TGFA: variants seen among roughly 807,000 people sequenced by gnomAD.
TGFA encodes the protein transforming growth factor alpha.
A neutral mutation model predicts 21.7 loss-of-function variants in TGFA; 12 were observed. The ratio of observed to expected loss-of-function variants is 0.55; its 90% confidence interval spans 0.35 to 0.90. The LOEUF (loss-of-function observed/expected upper bound fraction) is 0.90, where lower values mean the gene tolerates loss of function less well. TGFA is among the 40% of genes least tolerant of loss of function. The pLI is 0.01. For missense variants in TGFA, 178 were observed against 210.8 expected (o/e 0.84, Z 0.96); for synonymous variants, 79 against 88.1 (o/e 0.90, Z 0.58).
chr2:70,450,891 A>G (rs1670033438), intron 5 of TGFA, 25 bp from the exon 6 acceptor site: 1 of 1,604,558 alleles, frequency 6.2e-7, no homozygotes, highest in East Asian at 2.2e-5. Flanking sequence ...AAACAGGTTA[A>G]GCACTGTGGG....
intron 2 of TGFA, among the ~76,000 whole-genome samples, chr2:70,502,038 C>T (rs1275881847): frequency 6.6e-6 from 1 of 152,256 alleles, no homozygotes; most frequent in Non-Finnish European, 1.5e-5. Context: ...CCTTCCTTTG[C>T]CTTCCTCTTC....
chr2:70,482,256 T>C (rs531258582), intron 2 of TGFA, among the ~76,000 whole-genome samples: 1 of 152,320 alleles, frequency 6.6e-6, no homozygotes, highest in East Asian at 1.9e-4. Flanking sequence ...TTAATTCTTA[T>C]AAAAGCCCTG....
At chr2:70,514,633 C>T (rs540426686) in intron 2 of TGFA, among the ~76,000 whole-genome samples, 5 of 152,028 alleles carry the variant, frequency 3.3e-5, no homozygotes, top group Admixed American at 6.5e-5. Flanking sequence ...AAGAGAGACA[C>T]GTAGGGGAGG....
intron 1 of TGFA, among the ~76,000 whole-genome samples, chr2:70,524,626 T>C (rs1672580139): frequency 6.6e-6 from 1 of 152,248 alleles, no homozygotes. Flanking sequence ...CTGTTCCAGC[T>C]GACTGGCACT....
At chr2:70,478,307 A>T (rs13405609) in intron 2 of TGFA, among the ~76,000 whole-genome samples, 5,322 of 152,320 alleles carry the variant, frequency 0.035, 284 homozygotes, top group African/African-American at 0.12. Context: ...AACTGTTTTG[A>T]TGGAAATGCT....
At chr2:70,510,166 G>T (rs1182942024) in intron 2 of TGFA, among the ~76,000 whole-genome samples, 1 of 152,224 alleles carries the variant, frequency 6.6e-6, no homozygotes, top group East Asian at 1.9e-4. Context: ...GGGTTCCCAT[G>T]CTGTCTTTTC....
intron 2 of TGFA, among the ~76,000 whole-genome samples, chr2:70,475,456 G>A (rs1670893140): frequency 6.6e-6 from 1 of 152,176 alleles, no homozygotes; most frequent in African/African-American, 2.4e-5. Flanking sequence ...AGAACTCATG[G>A]TTGGTTTCCT....
At chr2:70,521,038 CTA>C (rs1318107699) in intron 1 of TGFA, among the ~76,000 whole-genome samples, 1 of 152,040 alleles carries the variant, frequency 6.6e-6, no homozygotes, top group African/African-American at 2.4e-5. Flanking sequence ...AATTCAGGCC[CTA>C]TCATCTCTCC....
At chr2:70,497,278 T>A (rs1671604375) in intron 2 of TGFA, among the ~76,000 whole-genome samples, 1 of 152,204 alleles carries the variant, frequency 6.6e-6, no homozygotes, top group Non-Finnish European at 1.5e-5. Context: ...TTGTAGCTGT[T>A]GATATGAGAG....
chr2:70,511,221 G>A (rs1430964659), intron 2 of TGFA, among the ~76,000 whole-genome samples: 1 of 152,166 alleles, frequency 6.6e-6, no homozygotes, highest in East Asian at 1.9e-4. Flanking sequence ...CTCTTACAGT[G>A]AGAAGGCCTG....
rs115455145 is a variant in TGFA, at chr2:70,546,023, G to T, written c.40+7705C>A. On this transcript the variant is annotated intron_variant, in intron 1 of 5. Transcript: ENST00000295400. ...ATACTACATATGAAAACTGGGCTGA[G>T]ATCATTTTTCTCCAATCAACTTGGC... Among the ~76,000 whole-genome samples the T allele has an allele frequency of 7.9e-3, 1,203 of 152,272 alleles. 13 individuals carry two copies. The highest frequency in any genetic ancestry group is 0.027 in the African/African-American group (1,106 of 41,536).
chr2:70,553,201 T>C, intron 1 of TGFA: 1 of 1,536,032 alleles, frequency 6.5e-7, no homozygotes, highest in East Asian at 2.4e-5. Context: ...GCTCAAGAGC[T>C]CTGAAAAGAG....
At chr2:70,492,312 C>T (rs1417768059) in intron 2 of TGFA, among the ~76,000 whole-genome samples, 2 of 152,082 alleles carry the variant, frequency 1.3e-5, no homozygotes, top group African/African-American at 4.8e-5. Context: ...AGGTGGAGCC[C>T]AGAGGAGAGG....
intron 2 of TGFA, among the ~76,000 whole-genome samples, chr2:70,511,625 G>C (rs974046900): frequency 2.0e-5 from 3 of 152,174 alleles, no homozygotes; most frequent in Non-Finnish European, 4.4e-5. Flanking sequence ...TGCAGTAATG[G>C]AATTGTGGTG....
At chr2:70,523,458 C>A (rs190524436) in intron 1 of TGFA, among the ~76,000 whole-genome samples, 1 of 152,354 alleles carries the variant, frequency 6.6e-6, no homozygotes. Flanking sequence ...ACAGCCCTTT[C>A]TTCCACCCAA....
chr2:70,526,714 G>A (rs1553503035), intron 1 of TGFA, among the ~76,000 whole-genome samples: 2 of 152,168 alleles, frequency 1.3e-5, no homozygotes, highest in African/African-American at 4.8e-5. Context: ...CCCTGCTCTA[G>A]TCCATTTTCC....
At chr2:70,545,450 T>TA (rs1255447790) in intron 1 of TGFA, among the ~76,000 whole-genome samples, 1 of 152,032 alleles carries the variant, frequency 6.6e-6, no homozygotes, top group Non-Finnish European at 1.5e-5. Flanking sequence ...TTAGTTGTTT[T>TA]AAAAAAACAG....
intron 1 of TGFA, 125 bp from the exon 2 acceptor site, chr2:70,515,037 A>G: frequency 1.3e-6 from 1 of 759,358 alleles, no homozygotes; most frequent in South Asian, 1.8e-5. Flanking sequence ...GCCGGTAGAC[A>G]GGCTCAGCTA....
chr2:70,552,213 A>C (rs151043376), intron 1 of TGFA, among the ~76,000 whole-genome samples: 1 of 150,396 alleles, frequency 6.6e-6, no homozygotes, highest in African/African-American at 2.5e-5. Context: ...TTCCTCTGCT[A>C]TATAATGAGA....
Sources: allele counts gnomAD v4.1 joint callset (sites outside exome capture counted in the v4.1 genomes callset), GRCh38; gene constraint gnomAD v4.1.1; transcripts MANE v1.5; gene names NCBI Gene and HGNC (gene_info 2026-07-23, HGNC 2026-07-21).